PSG5: variants seen among roughly 807,000 people sequenced by gnomAD.
PSG5 encodes the protein pregnancy-specific beta-1-glycoprotein 5.
A neutral mutation model predicts 37.7 loss-of-function variants in PSG5; 53 were observed. The observed-to-expected ratio is 1.41, with a 90% CI of 1.13 to 1.77. PSG5 has a LOEUF of 1.77. PSG5 is among the 40% of genes most tolerant of loss of function. The pLI is 0.00. For synonymous variants in PSG5, 221 were observed against 155.4 expected, an observed-to-expected ratio of 1.42 and a Z score of -3.14; for missense variants, 547 against 405.2, an observed-to-expected ratio of 1.35 and a Z score of -3.00.
chr19:43,180,331 TAAAAC>T (rs1969102055), intron 2 of PSG5: 1 of 151,664 alleles, frequency 6.6e-6, no homozygotes, highest in Non-Finnish European at 1.5e-5. Context: ...GCAGAAAGCT[TAAAAC>T]AAAGTGTTTT....
intron 5 of PSG5, among the ~76,000 whole-genome samples, chr19:43,168,529 C>T (rs1450755680): frequency 6.6e-6 from 1 of 151,304 alleles, no homozygotes; most frequent in Non-Finnish European, 1.5e-5. Flanking sequence ...CCACCACGCC[C>T]GGCAAATTTT....
rs1290978286 is a variant in PSG5 at position 43,174,902 on chromosome 19, G to A, written c.964+313C>T. The stretch of plus-strand genomic sequence containing the variant: ...CAGAAGGGGATGTGTTGGTGACATC[G>A]AGAAGCAACTTGATCTTGAGGACTC... On this transcript the variant is annotated intron_variant, in intron 4 of 5. Coordinates refer to ENST00000342951, the MANE Select transcript of PSG5 (RefSeq NM_002781.4). The A allele has an allele frequency of 2.8e-5, 34 of 1,221,452 alleles. 1 individual carries two copies. Among genetic ancestry groups the A allele is most frequent in the African/African-American group, 4.6e-5 (3 of 64,660 alleles). 75.7% of individuals were successfully genotyped at this position (1,221,452 alleles called of 1,614,324 possible). A position where few individuals can be genotyped will look rare whatever the true frequency, so the allele number is the denominator to read the frequency against.
At position 43,175,356 on chromosome 19, in the gene PSG5, T is replaced by C; in HGVS notation, c.823A>G (p.Ile275Val). 1 of 1,612,844 alleles carries C rather than the reference T, an allele frequency of 6.2e-7. No individual in the cohort carries two copies. The highest frequency in any genetic ancestry group is 8.5e-7 in the Non-Finnish European group (1 of 1,179,266). The change falls in exon 4 of 6, where the codon ATT (isoleucine) becomes GTT (valine). Residue 275 changes from isoleucine to valine, a missense_variant. By Grantham distance (29) the Ile-to-Val change is conservative (BLOSUM62 3). Transcript: ENST00000342951. ...SNPPAEYFWTINGKFQQSGQK... is the reference protein window; with the variant it reads ...SNPPAEYFWTVNGKFQQSGQK... ...CCTGATTGCTGAAACTTCCCATTAA[T>C]TGTCCAAAAATACTCTGCCGGTGGG...
In PSG5 at chr19:43,170,046, C is replaced by A. The variant is rs375878542; in HGVS notation, c.*40+9G>T. The A allele has an allele frequency of 1.8e-5, 26 of 1,477,372 alleles. No homozygotes were observed. In the African/African-American group the frequency reaches 3.4e-4, roughly 19 times the overall value. 91.5% of individuals were successfully genotyped at this position (1,477,372 alleles called of 1,614,324 possible). A position where few individuals can be genotyped will look rare whatever the true frequency, so the allele number is the denominator to read the frequency against. On this transcript the variant is annotated intron_variant, in intron 5 of 5. Transcript: ENST00000342951. ...GCAGGAACCAGGATAAGAGAAAAGGCCATCATACCTGCCAGTCTTCCTGAA... is the reference window on the plus strand; with the variant it reads ...GCAGGAACCAGGATAAGAGAAAAGGACATCATACCTGCCAGTCTTCCTGAA...
At chr19:43,172,945 G>C (rs1443559592) in intron 4 of PSG5, among the ~76,000 whole-genome samples, 2 of 151,630 alleles carry the variant, frequency 1.3e-5, no homozygotes, top group African/African-American at 4.9e-5. Context: ...GAAGAATGAA[G>C]CTGGAGGACT....
chr19:43,177,255 G>A (rs1228700000), intron 2 of PSG5, among the ~76,000 whole-genome samples: 1 of 151,478 alleles, frequency 6.6e-6, no homozygotes, highest in African/African-American at 2.4e-5. Flanking sequence ...AGGTGGGGAG[G>A]TTATAGAGAT....
In PSG5 at chr19:43,175,788, G is replaced by A. The variant is rs772590693; in HGVS notation, c.709+82C>T. The A allele has an allele frequency of 2.8e-4, 440 of 1,586,246 alleles. 9 individuals are homozygous for A. The highest frequency in any genetic ancestry group is 1.6e-3 in the Middle Eastern group (8 of 4,868). ...AAATAAAGGTGTCTATACTTGGACCGGAGAAAGACTGAGAGGACTGGCTTG... is the reference window on the plus strand; with the variant it reads ...AAATAAAGGTGTCTATACTTGGACCAGAGAAAGACTGAGAGGACTGGCTTG... On this transcript the variant is annotated intron_variant, in intron 3 of 5. Transcript: ENST00000342951.
At chr19:43,172,409 GA>G (rs1248105009) in intron 4 of PSG5, among the ~76,000 whole-genome samples, 1 of 151,112 alleles carries the variant, frequency 6.6e-6, no homozygotes, top group Admixed American at 6.6e-5. Flanking sequence ...GGCAAGAATT[GA>G]AAAAAAGACA....
At chr19:43,185,999 CAG>C (rs1309518848) in intron 1 of PSG5, among the ~76,000 whole-genome samples, 1 of 150,254 alleles carries the variant, frequency 6.7e-6, no homozygotes, top group Non-Finnish European at 1.5e-5. Context: ...TTTTTTGAGA[CAG>C]AGTCTCGTAC....
At chr19:43,186,285 C>T in intron 1 of PSG5, 57 bp downstream of exon 1, 1 of 1,609,390 alleles carries the variant, frequency 6.2e-7, no homozygotes, top group Non-Finnish European at 8.5e-7. Context: ...TCCAGGAGAC[C>T]CAATCCAGTC....
Position 43,186,335 on chromosome 19 carries a change from T to C in PSG5, c.64+7A>G, listed in dbSNP as rs1966940532. 1 of 1,611,976 alleles carries C rather than the reference T, an allele frequency of 6.2e-7. No individual in the cohort carries two copies. The highest frequency in any genetic ancestry group is 8.5e-7 in the Non-Finnish European group (1 of 1,178,792). On this transcript the variant is annotated splice_region_variant and intron_variant, in intron 1 of 5. Transcript: ENST00000342951. ...TCCTGTCCTCTCCCAGGAAGTTCTC[T>C]CCTCACCTGTGAGCAGGAGCCCCTT...
chr19:43,176,005 T>C lies in PSG5; in HGVS notation c.574A>G (p.Arg192Gly), dbSNP rs1387191175. The C allele has an allele frequency of 2.5e-6, 4 of 1,611,432 alleles. No individual in the cohort carries two copies. The highest frequency in any genetic ancestry group is 2.2e-5 in the South Asian group (2 of 90,998). The change falls in exon 3 of 6, where the codon AGG becomes GGG. Residue 192 changes from arginine (R) to glycine (G), a missense_variant. By Grantham distance (125) the Arg-to-Gly change is moderately radical (BLOSUM62 -2). Transcript: ENST00000342951. ...CTGTTTTCAATGGGTCGCTTTACCC[T>C]GGGACTGACCGGGAGGCTCTGACCA... Reference protein sequence around the residue: ...LNGQSLPVSPRVKRPIENRIL... With the variant: ...LNGQSLPVSPGVKRPIENRIL...
At position 43,180,521 on chromosome 19, in the gene PSG5, C is replaced by G. The variant is rs189520951; in HGVS notation, c.430+4261G>C. The stretch of plus-strand genomic sequence containing the variant: ...TTCAGATTGTGGATTTCTGGATTTC[C>G]GATGCTCAATTCGTAATACTGTAAT... On this transcript the variant is annotated intron_variant, in intron 2 of 5. Coordinates refer to ENST00000342951, the MANE Select transcript of PSG5 (RefSeq NM_002781.4). The G allele has an allele frequency of 4.2e-4, 63 of 151,356 alleles. 1 individual carries two copies. Among genetic ancestry groups the G allele is most frequent in the African/African-American group, 1.4e-3 (57 of 41,086 alleles). The allele number at this position is 151,356 out of a possible 1,614,324, so 9.4% of individuals were successfully genotyped here. A position where few individuals can be genotyped will look rare whatever the true frequency, so the allele number is the denominator to read the frequency against.
Position 43,174,722 on chromosome 19 carries a change from A to G in PSG5, c.964+493T>C, listed in dbSNP as rs190096091. The G allele has an allele frequency of 3.0e-5, 31 of 1,031,934 alleles. No individual in the cohort carries two copies. In the African/African-American group the frequency reaches 4.2e-4, roughly 14 times the overall value. 63.9% of individuals were successfully genotyped at this position (1,031,934 alleles called of 1,614,324 possible). On this transcript the variant is annotated intron_variant, in intron 4 of 5. Coordinates refer to ENST00000342951, the MANE Select transcript of PSG5 (RefSeq NM_002781.4). ...TGAGTGAGGCAGGCCCAGTCACCAG[A>G]GAAGCATGGAGCAGAGCAGGAAGCA...
chr19:43,177,585 A>T (rs1969037878), intron 2 of PSG5, among the ~76,000 whole-genome samples: 1 of 150,778 alleles, frequency 6.6e-6, no homozygotes, highest in Non-Finnish European at 1.5e-5. Context: ...TTCTGCACTC[A>T]TATATTTTTG....
rs1303544994 is a variant in PSG5, at chr19:43,167,939, A to G, written c.*305T>C. 5.1e-6 allele frequency: 2 copies of G among 389,360 alleles called. No individual in the cohort carries two copies. Among genetic ancestry groups the G allele is most frequent in the East Asian group, 3.8e-5 (1 of 26,586 alleles). The allele number at this position is 389,360 out of a possible 1,614,324, so 24.1% of individuals were successfully genotyped here. A position where few individuals can be genotyped will look rare whatever the true frequency, so the allele number is the denominator to read the frequency against. ...ATTCAAAGAATCAGCACATTTTCAA[A>G]TAGAAAATTATGAAAACATTATGCT... On this transcript the variant is annotated 3_prime_UTR_variant, in exon 6 of 6. Transcript: ENST00000342951.
rs1241039897 is a variant in PSG5, at chr19:43,170,063, C to A, written c.*32G>T. 1.3e-6 allele frequency: 2 copies of A among 1,541,180 alleles called. No homozygotes were observed. The highest frequency in any genetic ancestry group is 2.2e-5 in the South Asian group (2 of 89,974). ...AGAAAAGGCCATCATACCTGCCAGT[C>A]TTCCTGAAATACAGAAATGACTTCA... is the stretch of plus-strand genomic sequence containing the variant. On this transcript the variant is annotated 3_prime_UTR_variant, in exon 5 of 6. Coordinates refer to ENST00000342951, the MANE Select transcript of PSG5 (RefSeq NM_002781.4).
At chr19:43,182,473 C>T (rs997246592) in intron 2 of PSG5, among the ~76,000 whole-genome samples, 2 of 151,408 alleles carry the variant, frequency 1.3e-5, no homozygotes, top group Non-Finnish European at 2.9e-5. Context: ...TGGTCCCTAC[C>T]TGGAGGCAGA....
intron 3 of PSG5, 194 bp from the exon 4 acceptor site, chr19:43,175,663 TC>T: frequency 7.2e-7 from 1 of 1,385,402 alleles, no homozygotes. Flanking sequence ...ACACAAAGTC[TC>T]CCATGACAAG....
Sources: allele counts gnomAD v4.1 joint callset (sites outside exome capture counted in the v4.1 genomes callset), GRCh38; gene constraint gnomAD v4.1.1; transcripts MANE v1.5; gene names NCBI Gene and HGNC (gene_info 2026-07-23, HGNC 2026-07-21).